Variants in RTL4 observed in about 807,000 individuals in gnomAD.
RTL4 encodes retrotransposon Gag-like protein 4.
A neutral mutation model predicts 5.3 loss-of-function variants in RTL4; 4 were observed. The ratio of observed to expected loss-of-function variants is 0.75; its 90% CI spans 0.37 to 1.72. The LOEUF is 1.72. Ranked by LOEUF, RTL4 falls within the 40% of genes most tolerant of loss-of-function variation. The pLI, the probability that RTL4 is intolerant of heterozygous loss-of-function variation, is 0.04. For missense variants in RTL4, 260 were observed against 227.1 expected, an observed-to-expected ratio of 1.14 and a Z score of -0.93; for synonymous variants, 98 against 87.3, an observed-to-expected ratio of 1.12 and a Z score of -0.68.
chrX:112,185,685 G>A, the RTL4 span, among the ~76,000 whole-genome samples: 2 of 107,581 alleles, frequency 1.9e-5, no homozygotes, highest in Non-Finnish European at 3.8e-5. Context: ...ATGCTAAACT[G>A]CTTGGATTCA....
At chrX:112,303,185 A>C in the RTL4 span, among the ~76,000 whole-genome samples, 1 of 112,064 alleles carries the variant, frequency 8.9e-6, no homozygotes, top group African/African-American at 3.2e-5. Flanking sequence ...ATTACAATGT[A>C]TGTTCATTGC....
the RTL4 span, among the ~76,000 whole-genome samples, chrX:112,161,784 CTTT>C: frequency 9.5e-6 from 1 of 105,040 alleles, no homozygotes; most frequent in African/African-American, 3.5e-5. Flanking sequence ...TGCCAGGTTG[CTTT>C]TCTTCCTTCC....
At chrX:112,171,069 A>G in the RTL4 span, among the ~76,000 whole-genome samples, 2 of 111,933 alleles carry the variant, frequency 1.8e-5, no homozygotes, top group Non-Finnish European at 3.8e-5. Flanking sequence ...CATATGTCGA[A>G]CCAATCTTGC....
At chrX:112,187,549 A>G in the RTL4 span, among the ~76,000 whole-genome samples, 3 of 111,812 alleles carry the variant, frequency 2.7e-5, no homozygotes, top group African/African-American at 9.7e-5. Flanking sequence ...ACAAAACTCA[A>G]TTATCTAGAC....
the RTL4 span, among the ~76,000 whole-genome samples, chrX:112,413,211 T>C: frequency 9.0e-6 from 1 of 111,436 alleles, no homozygotes; most frequent in African/African-American, 3.3e-5. Flanking sequence ...GAATAGCAAC[T>C]GCTAGCAGGG....
the RTL4 span, among the ~76,000 whole-genome samples, chrX:112,116,437 G>A: frequency 9.9e-5 from 11 of 110,829 alleles, no homozygotes; most frequent in East Asian, 2.9e-4. Context: ...CTTCCACAGC[G>A]TGGAAGGGGA....
At chrX:112,147,726 G>A in the RTL4 span, among the ~76,000 whole-genome samples, 4 of 111,939 alleles carry the variant, frequency 3.6e-5, no homozygotes, top group East Asian at 2.8e-4. Flanking sequence ...ATCACTTGAC[G>A]TCACGAGTTC....
the RTL4 span, chrX:112,381,590 G>C: frequency 8.4e-7 from 1 of 1,189,354 alleles, no homozygotes. Context: ...AAAAAGTAGA[G>C]AGATTGAGCG....
chrX:112,224,314 AT>A, the RTL4 span, among the ~76,000 whole-genome samples: 2 of 93,760 alleles, frequency 2.1e-5, no homozygotes, highest in Non-Finnish European at 4.1e-5. Flanking sequence ...ACATTTATTT[AT>A]TTATTTATTT....
the RTL4 span, among the ~76,000 whole-genome samples, chrX:112,414,951 A>AT: frequency 4.5e-5 from 5 of 111,253 alleles, no homozygotes; most frequent in Non-Finnish European, 7.6e-5. Flanking sequence ...ATTTGCATAG[A>AT]TTTTTCCGCA....
At chrX:112,084,220 C>T in the RTL4 span, among the ~76,000 whole-genome samples, 64 of 111,394 alleles carry the variant, frequency 5.7e-4, no homozygotes, top group Non-Finnish European at 1.1e-3. Flanking sequence ...GCCCTAAGCA[C>T]TCTCCTCCTA....
the RTL4 span, among the ~76,000 whole-genome samples, chrX:112,412,419 A>G: frequency 8.9e-6 from 1 of 111,852 alleles, no homozygotes; most frequent in East Asian, 2.8e-4. Context: ...CAAAAAGAAC[A>G]GAACTGGAAG....
At chrX:112,095,600 TCAATATA>T in the RTL4 span, among the ~76,000 whole-genome samples, 1 of 111,104 alleles carries the variant, frequency 9.0e-6, no homozygotes, top group African/African-American at 3.3e-5. Context: ...AATAGAGAGC[TCAATATA>T]CAGGTGGTCC....
the RTL4 span, among the ~76,000 whole-genome samples, chrX:112,214,183 G>C: frequency 9.0e-6 from 1 of 111,223 alleles, no homozygotes; most frequent in East Asian, 2.8e-4. Context: ...TTCCCCCTCA[G>C]CCTCTAGAAA....
At chrX:112,318,917 G>C in the RTL4 span, among the ~76,000 whole-genome samples, 1 of 111,640 alleles carries the variant, frequency 9.0e-6, no homozygotes, top group Non-Finnish European at 1.9e-5. Flanking sequence ...ATCAACTTAA[G>C]AGAAAAAGAT....
At chrX:112,430,880 A>G in the RTL4 span, among the ~76,000 whole-genome samples, 1 of 112,511 alleles carries the variant, frequency 8.9e-6, no homozygotes, top group African/African-American at 3.2e-5. Flanking sequence ...GGCATGAGCC[A>G]CCATGCCCAT....
At chrX:112,293,486 A>G in the RTL4 span, among the ~76,000 whole-genome samples, 1 of 112,231 alleles carries the variant, frequency 8.9e-6, no homozygotes, top group Admixed American at 9.5e-5. Flanking sequence ...TTATCTGAAT[A>G]GTATCTGCTG....
At chrX:112,252,487 T>C in the RTL4 span, among the ~76,000 whole-genome samples, 4 of 111,946 alleles carry the variant, frequency 3.6e-5, no homozygotes, top group Non-Finnish European at 7.5e-5. Flanking sequence ...GAGAGACAGA[T>C]TGTATATGCA....
the RTL4 span, among the ~76,000 whole-genome samples, chrX:112,128,474 C>A: frequency 1.8e-5 from 2 of 110,183 alleles, no homozygotes; most frequent in African/African-American, 6.6e-5. Flanking sequence ...GCCTGGCCAA[C>A]ATGGTGAAAC....
Sources: gnomAD v4.1 joint callset for allele counts (sites outside exome capture counted in the v4.1 genomes callset) on GRCh38, gnomAD v4.1.1 for gene constraint, MANE v1.5 for transcripts, NCBI Gene and HGNC (gene_info 2026-07-23, HGNC 2026-07-21) for gene names.